The following SAMHD1 variants were observed in gnomAD, a reference collection of about 807,000 sequenced individuals.
SAMHD1 encodes the protein deoxynucleoside triphosphate triphosphohydrolase SAMHD1.
SAMHD1 carries 54 observed loss-of-function variants against 79.6 expected under a neutral mutation model. The observed-to-expected ratio is 0.68, with a 90% CI of 0.55 to 0.85. The LOEUF is 0.85. SAMHD1 is among the 40% of genes least tolerant of loss of function. The pLI, the probability that SAMHD1 is intolerant of heterozygous loss-of-function variation, is 0.00. For missense variants in SAMHD1, 663 were observed against 782.7 expected (o/e 0.85, Z 1.82); for synonymous variants, 260 against 264.1 (o/e 0.98, Z 0.15).
At chr20:36,946,533 GC>G (rs1807788197) in intron 2 of SAMHD1, 1 of 513,278 alleles carries the variant, frequency 1.9e-6, no homozygotes, top group African/African-American at 1.9e-5. Flanking sequence ...GTTGCAGTGA[GC>G]CGAGATACTC....
chr20:36,948,626 T>C (rs1368347397), intron 1 of SAMHD1, among the ~76,000 whole-genome samples: 2 of 150,926 alleles, frequency 1.3e-5, no homozygotes, highest in Non-Finnish European at 3.0e-5. Flanking sequence ...CCCAGCACTT[T>C]GGGAGGCCAA....
Position 36,891,072 on chromosome 20 carries a change from G to A in SAMHD1, c.*1860C>T, listed in dbSNP as rs6029941. ...TATAGAGGCACCTTGGCTAAAATGGGAATGACCTAGTGCCATGGCTGACCT... is the reference window on the plus strand; with the variant it reads ...TATAGAGGCACCTTGGCTAAAATGGAAATGACCTAGTGCCATGGCTGACCT... On this transcript the variant is annotated 3_prime_UTR_variant, in exon 16 of 16. Coordinates refer to ENST00000646673, the MANE Select transcript of SAMHD1 (RefSeq NM_015474.4). 0.45 allele frequency: 68,870 copies of A among 152,012 alleles called. 16,703 individuals carry two copies. The highest frequency in any genetic ancestry group is 0.67 in the South Asian group (3,237 of 4,824). The allele number at this position is 152,012 out of a possible 1,614,324, so 9.4% of individuals were successfully genotyped here.
In SAMHD1 at chr20:36,892,806, G is replaced by C; in HGVS notation, c.*126C>G. ...TTTGATTAAAAGTTACTTAGCTTCA[G>C]CATGCGTGTACATTCAAAATACAAA... On this transcript the variant is annotated 3_prime_UTR_variant, in exon 16 of 16. Transcript: ENST00000646673. 2 of 1,199,814 alleles carry C rather than the reference G, an allele frequency of 1.7e-6. No individual in the cohort carries two copies. Among genetic ancestry groups the C allele is most frequent in the Non-Finnish European group, 2.5e-6 (2 of 803,756 alleles). The allele number at this position is 1,199,814 out of a possible 1,614,324, so 74.3% of individuals were successfully genotyped here.
chr20:36,923,603 CAAAGATGTA>C (rs1270727261), intron 6 of SAMHD1, among the ~76,000 whole-genome samples: 4 of 151,924 alleles, frequency 2.6e-5, no homozygotes, highest in African/African-American at 7.3e-5. Flanking sequence ...GTAAGTATAA[CAAAGATGTA>C]TGACTTTCAT....
Position 36,951,674 on chromosome 20 carries a change from A to T in SAMHD1, c.-31T>A. The T allele has an allele frequency of 6.2e-7, 1 of 1,611,312 alleles. No homozygotes were observed. The highest frequency in any genetic ancestry group is 8.5e-7 in the Non-Finnish European group (1 of 1,179,876). ...CACCTGGCGTCCGGCACAGCAGTCA[A>T]GAACCTCGGCGCCGGACCCGCGCGC... is the stretch of plus-strand genomic sequence containing the variant. On this transcript the variant is annotated 5_prime_UTR_variant, in exon 1 of 16. It adds an upstream start codon to the 5' untranslated region. Coordinates refer to ENST00000646673, the MANE Select transcript of SAMHD1 (RefSeq NM_015474.4).
In SAMHD1 at chr20:36,946,337, C is replaced by T. The variant is rs536640647; in HGVS notation, c.275+401G>A. The T allele has an allele frequency of 1.0e-4, 17 of 167,194 alleles. No individual in the cohort carries two copies. The South Asian group carries it at 1.5e-3, about 15-fold the overall frequency. 10.4% of individuals were successfully genotyped at this position (167,194 alleles called of 1,614,324 possible). A position where few individuals can be genotyped will look rare whatever the true frequency, so the allele number is the denominator to read the frequency against. ...CTGAGGCAGGAGAATGGCATGAACC[C>T]GGGAGGCGGAGCTTGCAGTGAGCCA... On this transcript the variant is annotated intron_variant, in intron 2 of 15. Transcript: ENST00000646673.
At chr20:36,943,802 G>A (rs745763612) in intron 2 of SAMHD1, among the ~76,000 whole-genome samples, 9 of 152,228 alleles carry the variant, frequency 5.9e-5, no homozygotes, top group East Asian at 1.9e-4. Flanking sequence ...GAGTCATGCC[G>A]GGGACAGTGG....
Position 36,946,504 on chromosome 20 carries a change from T to C in SAMHD1, c.275+234A>G, listed in dbSNP as rs2063687585. ...CAGGAGGCTGAGGCAGGAGAATAACTTGAAGCCGGGAGGCAGAGGTTGCAG... is the reference window on the plus strand; with the variant it reads ...CAGGAGGCTGAGGCAGGAGAATAACCTGAAGCCGGGAGGCAGAGGTTGCAG... On this transcript the variant is annotated intron_variant, in intron 2 of 15. Transcript: ENST00000646673. 1 of 450,728 alleles carries C rather than the reference T, an allele frequency of 2.2e-6. No individual in the cohort carries two copies. The highest frequency in any genetic ancestry group is 2.2e-5 in the South Asian group (1 of 44,896). The allele number at this position is 450,728 out of a possible 1,614,324, so 27.9% of individuals were successfully genotyped here. A position where few individuals can be genotyped will look rare whatever the true frequency, so the allele number is the denominator to read the frequency against.
chr20:36,929,028 G>A (rs2063552679), intron 5 of SAMHD1, among the ~76,000 whole-genome samples: 1 of 150,746 alleles, frequency 6.6e-6, no homozygotes, highest in South Asian at 2.1e-4. Flanking sequence ...TTGCACTCCA[G>A]CCTGGGCAAC....
At chr20:36,900,647 A>G (rs1601115258) in intron 13 of SAMHD1, among the ~76,000 whole-genome samples, 1 of 150,412 alleles carries the variant, frequency 6.6e-6, no homozygotes, top group Admixed American at 6.6e-5. Flanking sequence ...GCTCACTGCA[A>G]CCTCTGCCTC....
At chr20:36,912,955 G>T (rs375720444) in intron 9 of SAMHD1, among the ~76,000 whole-genome samples, 98 of 113,018 alleles carry the variant, frequency 8.7e-4, no homozygotes, top group African/African-American at 3.1e-3. Context: ...TGGAGTACAA[G>T]TCCTTCATTG....
intron 6 of SAMHD1, among the ~76,000 whole-genome samples, chr20:36,920,425 C>A (rs1009231466): frequency 1.2e-4 from 19 of 152,098 alleles, no homozygotes; most frequent in African/African-American, 4.6e-4. Context: ...CTTTCCCCGC[C>A]CCCGCAGAAA....
In SAMHD1 at chr20:36,939,075, CAAAAAAAAAAA is replaced by C. The variant is rs1178988134; in HGVS notation, c.348+1953_348+1963del. 3.9e-3 allele frequency among the ~76,000 whole-genome samples: 89 copies of C among 22,534 alleles called. 3 individuals are homozygous for C. Among genetic ancestry groups the C allele is most frequent in the African/African-American group, 0.015 (74 of 4,906 alleles). 14.8% of individuals were successfully genotyped at this position (22,534 alleles called of 152,430 possible). On this transcript the variant is annotated intron_variant, in intron 3 of 15. Coordinates refer to ENST00000646673, the MANE Select transcript of SAMHD1 (RefSeq NM_015474.4). ...GAAACCTTGCCTCTACTAAAAATAC[CAAAAAAAAAAA>C]AAAAAAAAAAAAAAAAAATTAACTG...
chr20:36,912,920 T>C (rs2063453734), intron 9 of SAMHD1, among the ~76,000 whole-genome samples: 2 of 114,756 alleles, frequency 1.7e-5, no homozygotes, highest in Admixed American at 1.0e-4. Context: ...TTTTTTGAGA[T>C]GGAGTCTCGA....
chr20:36,946,011 G>A (rs1022299225), intron 2 of SAMHD1, among the ~76,000 whole-genome samples: 2 of 151,906 alleles, frequency 1.3e-5, no homozygotes, highest in East Asian at 1.9e-4. Flanking sequence ...GGCCAGTCGC[G>A]GTGGCTCACA....
chr20:36,900,073 G>T (rs1256371233), intron 13 of SAMHD1, among the ~76,000 whole-genome samples: 3 of 144,878 alleles, frequency 2.1e-5, no homozygotes, highest in Admixed American at 1.4e-4. Context: ...CAACCTGGGT[G>T]ACACAGTGAG....
chr20:36,918,200 C>A (rs1207857602), intron 7 of SAMHD1, among the ~76,000 whole-genome samples: 1 of 151,872 alleles, frequency 6.6e-6, no homozygotes, highest in African/African-American at 2.4e-5. Context: ...ATCCTCCCAT[C>A]ATGGCCTCCC....
chr20:36,935,226 T>G, intron 3 of SAMHD1, 37 bp from the exon 4 acceptor site: 1 of 1,550,212 alleles, frequency 6.5e-7, no homozygotes, highest in Non-Finnish European at 8.9e-7. Flanking sequence ...AATAACGACA[T>G]GTAAGTCCAA....
At chr20:36,930,959 C>T (rs1361409599) in intron 4 of SAMHD1, 84 bp from the exon 5 acceptor site, 5 of 877,158 alleles carry the variant, frequency 5.7e-6, no homozygotes, top group Admixed American at 3.6e-5. Context: ...AGTATGTTTC[C>T]TTAAACATTC....
Sources: gnomAD v4.1 joint callset for allele counts (sites outside exome capture counted in the v4.1 genomes callset) on GRCh38, gnomAD v4.1.1 for gene constraint, MANE v1.5 for transcripts, NCBI Gene and HGNC (gene_info 2026-07-23, HGNC 2026-07-21) for gene names.